The following CFAP53 variants were observed in gnomAD, a reference collection of about 807,000 sequenced individuals.
CFAP53 encodes cilia and flagella associated protein 53.
CFAP53 carries 62 observed loss-of-function variants against 59.7 expected under a neutral mutation model. The observed-to-expected ratio is 1.04, with a 90% confidence interval of 0.85 to 1.28. The LOEUF (loss-of-function observed/expected upper bound fraction) is 1.28, where lower values mean the gene tolerates loss of function less well. Among genes scored for constraint, CFAP53 ranks in the 50% most tolerant of loss-of-function variants. The pLI is 0.00. For missense variants in CFAP53, 629 were observed against 615.6 expected (o/e 1.02, Z -0.23); for synonymous variants, 218 against 205.7 (o/e 1.06, Z -0.51).
At position 50,253,590 on chromosome 18, in the gene CFAP53, T is replaced by C. The variant is rs149136282; in HGVS notation, c.474-1806A>G. Among the ~76,000 whole-genome samples, 627 of 152,356 alleles carry C rather than the reference T, an allele frequency of 4.1e-3. 4 individuals carry two copies. Among genetic ancestry groups the C allele is most frequent in the African/African-American group, 0.014 (580 of 41,576 alleles). On this transcript the variant is annotated intron_variant, in intron 3 of 7. Coordinates refer to ENST00000398545, the MANE Select transcript of CFAP53 (RefSeq NM_145020.5). Reference sequence around the variant, plus strand: ...ACACTATTCTAAGCACTTTAACACATATGAACTCTTGTAATCTTCATAATA... The same window carrying C: ...ACACTATTCTAAGCACTTTAACACACATGAACTCTTGTAATCTTCATAATA...
chr18:50,266,348 T>C lies in CFAP53; in HGVS notation c.57A>G (p.Lys19=), dbSNP rs180778332. ...VQREVKGPTP[K]VVIVRSKPPK... is the part of the protein sequence containing the mutation. ...ATCCTGTGCTTACCACGATCACCAC[T>C]TTGGGGGTGGGGCCCTTAACCTCCC... Residue 19 remains lysine (K), a synonymous_variant, in exon 1 of 8, where the codon AAA becomes AAG. Transcript: ENST00000398545. 2.2e-3 allele frequency: 3,613 copies of C among 1,614,246 alleles called. 137 individuals are homozygous for C. In the Admixed American group the frequency reaches 0.056, roughly 25 times the overall value.
intron 6 of CFAP53, among the ~76,000 whole-genome samples, chr18:50,240,550 G>A (rs533765150): frequency 2.4e-4 from 37 of 152,242 alleles, no homozygotes; most frequent in Non-Finnish European, 3.8e-4. Context: ...ATGTGCTCTC[G>A]CTATTGTTCC....
intron 6 of CFAP53, 110 bp downstream of exon 6, chr18:50,242,790 G>C (rs927084534): frequency 1.1e-6 from 1 of 875,578 alleles, no homozygotes; most frequent in African/African-American, 1.7e-5. Flanking sequence ...CATCCTTTTT[G>C]CATCCCTCAT....
chr18:50,253,040 G>T (rs554316294), intron 3 of CFAP53, among the ~76,000 whole-genome samples: 47 of 148,814 alleles, frequency 3.2e-4, no homozygotes, highest in Admixed American at 1.6e-3. Context: ...TTTTTGAGAC[G>T]GAGTCTCGCT....
chr18:50,238,573 C>T (rs760319014), intron 7 of CFAP53, 30 bp downstream of exon 7: 5 of 1,530,118 alleles, frequency 3.3e-6, no homozygotes, highest in Non-Finnish European at 4.5e-6. Context: ...TTTTAGGTAG[C>T]AAATGATGAT....
chr18:50,255,951 T>C (rs561859013), intron 3 of CFAP53: 17 of 152,202 alleles, frequency 1.1e-4, no homozygotes, highest in African/African-American at 4.1e-4. Flanking sequence ...AGTAATAGGG[T>C]CTAATAACGC....
chr18:50,264,184 GACTAGTGGCT>G (rs2033917522), intron 1 of CFAP53, among the ~76,000 whole-genome samples: 1 of 152,170 alleles, frequency 6.6e-6, no homozygotes, highest in Admixed American at 6.5e-5. Flanking sequence ...TGCTATGTGT[GACTAGTGGCT>G]ACCTATTGGA....
At chr18:50,260,927 G>C (rs930992550) in intron 3 of CFAP53, 137 bp downstream of exon 3, 1 of 758,150 alleles carries the variant, frequency 1.3e-6, no homozygotes, top group African/African-American at 1.8e-5. Flanking sequence ...TCAATGATAT[G>C]TAATATATTG....
At chr18:50,265,826 T>C (rs970043858) in intron 1 of CFAP53, among the ~76,000 whole-genome samples, 7 of 152,220 alleles carry the variant, frequency 4.6e-5, no homozygotes, top group African/African-American at 1.4e-4. Context: ...TGTCCAGCAA[T>C]GGTTACTGGT....
intron 6 of CFAP53, among the ~76,000 whole-genome samples, chr18:50,240,430 A>G (rs1394259570): frequency 6.6e-6 from 1 of 152,238 alleles, no homozygotes; most frequent in African/African-American, 2.4e-5. Flanking sequence ...TAAATTAGCC[A>G]ATCAGAATTA....
chr18:50,231,221 C>A (rs2033580563), intron 7 of CFAP53, among the ~76,000 whole-genome samples: 1 of 152,238 alleles, frequency 6.6e-6, no homozygotes, highest in Non-Finnish European at 1.5e-5. Flanking sequence ...TGTTTCCTGG[C>A]AGTCAGCTCC....
chr18:50,266,259 G>T, intron 1 of CFAP53, 77 bp downstream of exon 1: 1 of 1,422,912 alleles, frequency 7.0e-7, no homozygotes, highest in Non-Finnish European at 9.9e-7. Flanking sequence ...GGTGGGGGCC[G>T]AAGTGGGATA....
intron 3 of CFAP53, among the ~76,000 whole-genome samples, chr18:50,254,813 C>T (rs1876780466): frequency 6.6e-6 from 1 of 152,138 alleles, no homozygotes; most frequent in Non-Finnish European, 1.5e-5. Flanking sequence ...ATCACTTGAA[C>T]CCAGGAGGCA....
intron 7 of CFAP53, among the ~76,000 whole-genome samples, chr18:50,236,139 C>T (rs902109483): frequency 6.6e-5 from 10 of 152,110 alleles, no homozygotes; most frequent in South Asian, 2.1e-4. Context: ...TCAAACACCT[C>T]GGCTGACAGA....
chr18:50,256,572 G>A (rs962360745), intron 3 of CFAP53: 3 of 152,054 alleles, frequency 2.0e-5, no homozygotes, highest in African/African-American at 7.2e-5. Flanking sequence ...CTCTCCTTTT[G>A]AGAGGGAATT....
In CFAP53 at chr18:50,227,302, G is replaced by A; in HGVS notation, c.*79C>T. The A allele has an allele frequency of 9.0e-7, 1 of 1,114,368 alleles. No individual in the cohort carries two copies. The highest frequency in any genetic ancestry group is 1.3e-6 in the Non-Finnish European group (1 of 771,224). The allele number at this position is 1,114,368 out of a possible 1,614,324, so 69.0% of individuals were successfully genotyped here. A position where few individuals can be genotyped will look rare whatever the true frequency, so the allele number is the denominator to read the frequency against. On this transcript the variant is annotated 3_prime_UTR_variant, in exon 8 of 8. Coordinates refer to ENST00000398545, the MANE Select transcript of CFAP53 (RefSeq NM_145020.5). ...CAGGGAAAAAAGAAAAGTTTATCCAGGAGTTAAAAGAAGCATACAAGCATA... is the reference window on the plus strand; with the variant it reads ...CAGGGAAAAAAGAAAAGTTTATCCAAGAGTTAAAAGAAGCATACAAGCATA...
At chr18:50,253,635 T>G (rs566981484) in intron 3 of CFAP53, among the ~76,000 whole-genome samples, 30 of 152,352 alleles carry the variant, frequency 2.0e-4, no homozygotes, top group Non-Finnish European at 4.0e-4. Flanking sequence ...GCAATGAACA[T>G]TACTGCAAAT....
chr18:50,248,798 A>T (rs2033770090), intron 5 of CFAP53, among the ~76,000 whole-genome samples: 1 of 151,500 alleles, frequency 6.6e-6, no homozygotes, highest in African/African-American at 2.4e-5. Context: ...AAAAAAAAAA[A>T]AAAAAGTGAG....
chr18:50,262,058 G>A lies in CFAP53; in HGVS notation c.231C>T (p.Ser77=), dbSNP rs1486384760. 4 of 1,614,016 alleles carry A rather than the reference G, an allele frequency of 2.5e-6. No individual in the cohort carries two copies. Among genetic ancestry groups the A allele is most frequent in the Non-Finnish European group, 3.4e-6 (4 of 1,180,032 alleles). The change falls in exon 2 of 8, where the codon AGC becomes AGT. Residue 77 remains serine, a synonymous_variant. Coordinates refer to ENST00000398545, the MANE Select transcript of CFAP53 (RefSeq NM_145020.5). ...DQHNDCKILD[S]LVRARIKDAV... ...CATCCTTGATTCTTGCTCGCACAAG[G>A]CTGTCCAAAATCTTGCAGTCATTGT... is the stretch of plus-strand genomic sequence containing the variant.
Sources: allele counts gnomAD v4.1 joint callset (sites outside exome capture counted in the v4.1 genomes callset), GRCh38; gene constraint gnomAD v4.1.1; transcripts MANE v1.5; gene names NCBI Gene and HGNC (gene_info 2026-07-23, HGNC 2026-07-21).